NRG1: variants seen among roughly 807,000 people sequenced by gnomAD.
The protein encoded by NRG1 is pro-neuregulin-1, membrane-bound isoform.
Under a neutral mutation model 63.8 loss-of-function variants are expected in NRG1, and 18 were observed. The ratio of observed to expected loss-of-function variants is 0.28; its 90% confidence interval spans 0.19 to 0.42. The LOEUF (loss-of-function observed/expected upper bound fraction) is 0.42. Among genes scored for constraint, NRG1 ranks in the 10% least tolerant of loss-of-function variants. The pLI, the probability that NRG1 is intolerant of heterozygous loss-of-function variation, is 1.00. For synonymous variants in NRG1, 302 were observed against 301.3 expected (o/e 1.00, Z -0.02); for missense variants, 762 against 814.7 (o/e 0.94, Z 0.79).
chr8:32,330,746 A>G (rs1461381157), intron 1 of NRG1, among the ~76,000 whole-genome samples: 1 of 152,214 alleles, frequency 6.6e-6, no homozygotes, highest in African/African-American at 2.4e-5. Flanking sequence ...AATTTGGTCA[A>G]TGAGTTCCCC....
intron 1 of NRG1, among the ~76,000 whole-genome samples, chr8:31,738,882 C>G (rs1196172953): frequency 2.0e-5 from 3 of 152,078 alleles, no homozygotes; most frequent in South Asian, 2.1e-4. Flanking sequence ...GATTAAGGGT[C>G]TAACCTACTC....
chr8:32,399,389 A>T (rs1812868646), intron 1 of NRG1, among the ~76,000 whole-genome samples: 1 of 152,168 alleles, frequency 6.6e-6, no homozygotes, highest in Admixed American at 6.6e-5. Context: ...TCCCAAAGTG[A>T]CTTTTAAAAA....
At position 32,202,914 on chromosome 8, in the gene NRG1, G is replaced by A. The variant is rs920498932; in HGVS notation, c.38-392914G>A. 3.3e-5 allele frequency among the ~76,000 whole-genome samples: 5 copies of A among 151,634 alleles called. No homozygotes were observed. In the East Asian group the frequency reaches 9.8e-4, roughly 30 times the overall value. ...AACATTTGGGTGCAAAAACAGGAAT[G>A]CCTGTTCTCACTTAGGGCTGCAGGT... On this transcript the variant is annotated intron_variant, in intron 1 of 10. Coordinates refer to the NRG1 transcript ENST00000519301.
At chr8:31,679,274 C>T (rs1808073686) in intron 1 of NRG1, among the ~76,000 whole-genome samples, 2 of 152,182 alleles carry the variant, frequency 1.3e-5, no homozygotes, top group South Asian at 4.1e-4. Context: ...ACTACCTATT[C>T]CCCTTCTTGA....
At chr8:32,370,260 T>A (rs983949883) in intron 1 of NRG1, among the ~76,000 whole-genome samples, 1 of 152,172 alleles carries the variant, frequency 6.6e-6, no homozygotes. Flanking sequence ...AGGGAAGTCA[T>A]ATAGGTTTAA....
intron 1 of NRG1, among the ~76,000 whole-genome samples, chr8:32,179,582 A>G (rs924749383): frequency 1.6e-4 from 25 of 152,334 alleles, no homozygotes; most frequent in African/African-American, 6.0e-4. Context: ...CAATTCCTGC[A>G]TACTATTTAC....
intron 1 of NRG1, among the ~76,000 whole-genome samples, chr8:31,797,469 G>T (rs1193787161): frequency 1.3e-5 from 2 of 152,246 alleles, no homozygotes; most frequent in African/African-American, 4.8e-5. Flanking sequence ...AATGTTTCCT[G>T]GTGAGAATAC....
At chr8:32,447,321 C>T (rs958316557) in intron 1 of NRG1, among the ~76,000 whole-genome samples, 7 of 152,022 alleles carry the variant, frequency 4.6e-5, no homozygotes, top group African/African-American at 1.7e-4. Flanking sequence ...CCTTGCTTGG[C>T]CCTAAAATAC....
chr8:32,753,407 G>A (rs558382254), intron 7 of NRG1, among the ~76,000 whole-genome samples: 9 of 152,286 alleles, frequency 5.9e-5, no homozygotes, highest in East Asian at 1.9e-4. Flanking sequence ...GAGACTGATC[G>A]CATTTTGGGT....
rs957456386 is a variant in NRG1, at chr8:32,413,333, C to T, written c.38-182495C>T. Reference sequence around the variant, plus strand: ...TTATTTACTTGGGTAATCATTCAAGCTATATAGATGAGAGTAAAAGGCCTG... The same window carrying T: ...TTATTTACTTGGGTAATCATTCAAGTTATATAGATGAGAGTAAAAGGCCTG... On this transcript the variant is annotated intron_variant, in intron 1 of 10. Transcript: ENST00000519301. Among the ~76,000 whole-genome samples the T allele has an allele frequency of 5.1e-4, 77 of 152,052 alleles. 1 individual carries two copies. The highest frequency in any genetic ancestry group is 1.2e-4 in the Non-Finnish European group (8 of 68,018).
chr8:32,685,922 A>G (rs995204307), intron 5 of NRG1, among the ~76,000 whole-genome samples: 1 of 152,236 alleles, frequency 6.6e-6, no homozygotes, highest in Admixed American at 6.5e-5. Flanking sequence ...ATCTGATGCT[A>G]CTTTCAAACA....
intron 1 of NRG1, among the ~76,000 whole-genome samples, chr8:32,128,245 C>T (rs1834361245): frequency 6.6e-6 from 1 of 151,928 alleles, no homozygotes; most frequent in Non-Finnish European, 1.5e-5. Context: ...AGGCCCTCTA[C>T]TCCAGCTGTT....
intron 1 of NRG1, among the ~76,000 whole-genome samples, chr8:31,658,060 TAAAATCAG>T (rs1417714999): frequency 4.6e-5 from 7 of 152,332 alleles, no homozygotes; most frequent in African/African-American, 1.7e-4. Context: ...TTGAGAGTAG[TAAAATCAG>T]ATCCACTTGG....
At chr8:32,698,271 G>A (rs1813894634) in intron 5 of NRG1, among the ~76,000 whole-genome samples, 1 of 152,078 alleles carries the variant, frequency 6.6e-6, no homozygotes, top group Non-Finnish European at 1.5e-5. Flanking sequence ...TAAAGGATAA[G>A]GAGAGAATTG....
intron 1 of NRG1, among the ~76,000 whole-genome samples, chr8:32,008,909 C>T (rs1322030996): frequency 1.3e-5 from 2 of 152,042 alleles, no homozygotes; most frequent in African/African-American, 4.8e-5. Flanking sequence ...GGAAAATCTG[C>T]ACATCACTCA....
chr8:32,352,938 A>G (rs934264643), intron 1 of NRG1, among the ~76,000 whole-genome samples: 1 of 122,602 alleles, frequency 8.2e-6, no homozygotes, highest in African/African-American at 2.9e-5. Flanking sequence ...GACTATATAT[A>G]TGTGTGTGTG....
At chr8:32,557,784 G>A (rs1225254637) in intron 1 of NRG1, among the ~76,000 whole-genome samples, 2 of 152,154 alleles carry the variant, frequency 1.3e-5, no homozygotes, top group Admixed American at 1.3e-4. Context: ...GGTTTGTCAA[G>A]AGGAAACCAA....
At chr8:32,001,316 A>G (rs989525845) in intron 1 of NRG1, among the ~76,000 whole-genome samples, 1 of 151,820 alleles carries the variant, frequency 6.6e-6, no homozygotes, top group African/African-American at 2.4e-5. Flanking sequence ...GTCTCATGAG[A>G]TCTGATGGTT....
At chr8:32,220,031 A>G (rs141991706) in intron 1 of NRG1, among the ~76,000 whole-genome samples, 1 of 152,278 alleles carries the variant, frequency 6.6e-6, no homozygotes, top group African/African-American at 2.4e-5. Context: ...GCAATTCTGG[A>G]AGAAAAAAGA....
Sources: gnomAD v4.1 joint callset for allele counts (sites outside exome capture counted in the v4.1 genomes callset) on GRCh38, gnomAD v4.1.1 for gene constraint, MANE v1.5 for transcripts, NCBI Gene and HGNC (gene_info 2026-07-23, HGNC 2026-07-21) for gene names.